PLCB1: variants seen among roughly 807,000 people sequenced by gnomAD.
The protein encoded by PLCB1 is phospholipase C beta 1.
In PLCB1, 46 loss-of-function variants were observed where a neutral mutation model predicts 161.8. The observed-to-expected ratio is 0.28, with a 90% confidence interval of 0.22 to 0.36. The LOEUF (loss-of-function observed/expected upper bound fraction) is 0.36. PLCB1 is among the 10% of genes least tolerant of loss of function. The pLI is 1.00. For missense variants in PLCB1, 1,016 were observed against 1,472.5 expected (o/e 0.69, Z 5.07); for synonymous variants, 517 against 503.7 (o/e 1.03, Z -0.35).
intron 3 of PLCB1, among the ~76,000 whole-genome samples, chr20:8,379,095 C>G (rs1987184882): frequency 6.6e-6 from 1 of 152,002 alleles, no homozygotes; most frequent in African/African-American, 2.4e-5. Context: ...AAGTTCCCTC[C>G]TCTCACCTCC....
chr20:8,505,323 G>T (rs925940058), intron 3 of PLCB1, among the ~76,000 whole-genome samples: 1 of 152,182 alleles, frequency 6.6e-6, no homozygotes, highest in Admixed American at 6.5e-5. Context: ...GCACTCTTGA[G>T]ACCCAGCAGT....
intron 2 of PLCB1, among the ~76,000 whole-genome samples, chr20:8,286,675 A>G (rs76559541): frequency 0.011 from 1,602 of 152,220 alleles, 24 homozygotes; most frequent in African/African-American, 0.036. Context: ...TAACAATTCA[A>G]CAGTTATTGT....
At chr20:8,820,720 T>G (rs911140614) in intron 31 of PLCB1, among the ~76,000 whole-genome samples, 2 of 151,996 alleles carry the variant, frequency 1.3e-5, no homozygotes, top group Admixed American at 6.6e-5. Flanking sequence ...GAAAAAGAAA[T>G]GAAAAATAAC....
chr20:8,536,389 A>G (rs1985051942), intron 3 of PLCB1, among the ~76,000 whole-genome samples: 2 of 152,126 alleles, frequency 1.3e-5, no homozygotes, highest in Admixed American at 1.3e-4. Context: ...CTCCTCTCGT[A>G]CTTCTCCATC....
chr20:8,648,040 A>G, intron 6 of PLCB1, 87 bp downstream of exon 6: 1 of 972,936 alleles, frequency 1.0e-6, no homozygotes. Flanking sequence ...TTTCTCCAGC[A>G]GCCTAAGTGG....
In PLCB1 at chr20:8,848,858, G is replaced by C. The variant is rs1986788087; in HGVS notation, c.3424-32764G>C. 2.0e-5 allele frequency among the ~76,000 whole-genome samples: 3 copies of C among 152,264 alleles called. No individual in the cohort carries two copies. In the South Asian group the frequency reaches 6.2e-4, roughly 31 times the overall value. ...AGACAAACTCTGCAGAAGGATCAGA[G>C]CTAAAGAAGAATAGCTTCCCCTCTT... is the stretch of plus-strand genomic sequence containing the variant. On this transcript the variant is annotated intron_variant, in intron 31 of 31. Transcript: ENST00000338037.
In PLCB1 at chr20:8,607,532, G is replaced by A. The variant is rs575092178; in HGVS notation, c.247-20762G>A. Reference sequence around the variant, plus strand: ...CTGTGTTCCTGGAGCAAGCCAATCCGTTCCCACCCCAAGGTATCAGCACCT... The same window carrying A: ...CTGTGTTCCTGGAGCAAGCCAATCCATTCCCACCCCAAGGTATCAGCACCT... On this transcript the variant is annotated intron_variant, in intron 3 of 31. Coordinates refer to ENST00000338037, the MANE Select transcript of PLCB1 (RefSeq NM_015192.4). Among the ~76,000 whole-genome samples the A allele has an allele frequency of 1.5e-3, 233 of 152,186 alleles. 2 individuals carry two copies. The highest frequency in any genetic ancestry group is 3.8e-3 in the Admixed American group (58 of 15,292).
At chr20:8,708,974 G>A (rs1218624191) in intron 12 of PLCB1, among the ~76,000 whole-genome samples, 1 of 152,096 alleles carries the variant, frequency 6.6e-6, no homozygotes, top group Non-Finnish European at 1.5e-5. Flanking sequence ...ACCATAGTAT[G>A]GTTTTTAAAT....
At position 8,778,538 on chromosome 20, in the gene PLCB1, C is replaced by G. The variant is rs573811092; in HGVS notation, c.3111+3819C>G. ...ATCCTACTAGAGGTGGCAACTCTAC[C>G]ATATGTCCTTCCACTTCCTTCTCAC... On this transcript the variant is annotated intron_variant, in intron 27 of 31. Transcript: ENST00000338037. 7.9e-4 allele frequency among the ~76,000 whole-genome samples: 120 copies of G among 152,242 alleles called. 1 individual carries two copies. The highest frequency in any genetic ancestry group is 6.8e-3 in the Middle Eastern group (2 of 294).
chr20:8,445,612 C>T (rs1039250373), intron 3 of PLCB1, among the ~76,000 whole-genome samples: 1 of 152,106 alleles, frequency 6.6e-6, no homozygotes, highest in Non-Finnish European at 1.5e-5. Flanking sequence ...ATGGGGATGG[C>T]ATTGAATCTA....
chr20:8,829,124 A>G (rs1352795068), intron 31 of PLCB1, among the ~76,000 whole-genome samples: 2 of 152,212 alleles, frequency 1.3e-5, no homozygotes, highest in Non-Finnish European at 2.9e-5. Context: ...CAACTCTTCT[A>G]TATGTGAAAA....
At chr20:8,695,743 T>C (rs914976538) in intron 10 of PLCB1, among the ~76,000 whole-genome samples, 1 of 152,168 alleles carries the variant, frequency 6.6e-6, no homozygotes, top group Non-Finnish European at 1.5e-5. Context: ...TTATAGAATA[T>C]AAATCAAAGA....
chr20:8,176,009 T>C (rs2051779389), intron 2 of PLCB1, among the ~76,000 whole-genome samples: 1 of 152,142 alleles, frequency 6.6e-6, no homozygotes, highest in Admixed American at 6.5e-5. Context: ...TGGCTGGAAT[T>C]AAAATAGTGA....
chr20:8,569,078 G>C (rs981057998), intron 3 of PLCB1, among the ~76,000 whole-genome samples: 1 of 152,170 alleles, frequency 6.6e-6, no homozygotes, highest in Admixed American at 6.6e-5. Flanking sequence ...TTGTAAGGGA[G>C]CTCTCCCTTG....
intron 2 of PLCB1, among the ~76,000 whole-genome samples, chr20:8,184,668 A>G (rs1600222074): frequency 1.3e-5 from 2 of 151,700 alleles, no homozygotes; most frequent in South Asian, 4.1e-4. Context: ...TCAGTTGCAT[A>G]AGAAAACCCA....
chr20:8,737,548 A>C (rs1980646420), intron 20 of PLCB1, among the ~76,000 whole-genome samples: 1 of 152,200 alleles, frequency 6.6e-6, no homozygotes, highest in Non-Finnish European at 1.5e-5. Context: ...GAGATAAAGA[A>C]AATTCATATT....
At chr20:8,829,501 T>G (rs1171836983) in intron 31 of PLCB1, among the ~76,000 whole-genome samples, 1 of 152,236 alleles carries the variant, frequency 6.6e-6, no homozygotes, top group East Asian at 1.9e-4. Context: ...TAGTTTGTAC[T>G]GTCTTTCTGT....
At chr20:8,675,236 C>T (rs900932021) in intron 9 of PLCB1, among the ~76,000 whole-genome samples, 11 of 152,080 alleles carry the variant, frequency 7.2e-5, no homozygotes, top group South Asian at 2.1e-4. Context: ...CACGCACCAC[C>T]GCACCTGTTC....
chr20:8,729,254 GAGAAAATTGCC>G (rs1290480194), intron 18 of PLCB1, 80 bp downstream of exon 18: 22 of 1,282,130 alleles, frequency 1.7e-5, no homozygotes, highest in Non-Finnish European at 1.0e-6. Flanking sequence ...AATTGGGGGA[GAGAAAATTGCC>G]AGACTTCACT....
Sources: allele counts gnomAD v4.1 joint callset (sites outside exome capture counted in the v4.1 genomes callset), GRCh38; gene constraint gnomAD v4.1.1; transcripts MANE v1.5; gene names NCBI Gene and HGNC (gene_info 2026-07-23, HGNC 2026-07-21).